METTL15: variants seen among roughly 807,000 people sequenced by gnomAD.
METTL15 encodes 12S rRNA N(4)-cytidine methyltransferase METTL15.
In METTL15, 34 loss-of-function variants were observed where a neutral mutation model predicts 38.3. That is an observed-to-expected ratio of 0.89 (90% CI 0.68 to 1.18). The LOEUF is 1.18. METTL15 is among the 50% of genes most tolerant of loss of function. The pLI, the probability that METTL15 is intolerant of heterozygous loss-of-function variation, is 0.00. For synonymous variants in METTL15, 162 were observed against 170.9 expected (o/e 0.95, Z 0.41); for missense variants, 438 against 498.4 (o/e 0.88, Z 1.15).
chr11:28,118,711 A>G (rs1294455416), intron 3 of METTL15, among the ~76,000 whole-genome samples: 3 of 152,236 alleles, frequency 2.0e-5, no homozygotes, highest in African/African-American at 4.8e-5. Flanking sequence ...TTTGAGTGTT[A>G]TTATAAGGGT....
At chr11:28,416,237 T>C (rs1850771224) in intron 5 of METTL15, among the ~76,000 whole-genome samples, 1 of 152,192 alleles carries the variant, frequency 6.6e-6, no homozygotes, top group African/African-American at 2.4e-5. Flanking sequence ...GTGCAGACTA[T>C]AGCCCACGTG....
At chr11:28,350,788 C>T (rs973673241) in intron 3 of METTL15, among the ~76,000 whole-genome samples, 1 of 152,164 alleles carries the variant, frequency 6.6e-6, no homozygotes, top group Non-Finnish European at 1.5e-5. Context: ...ATCTCTGTCC[C>T]TAAGAGCTTC....
At chr11:28,472,471 TG>T (rs1474844549) in intron 6 of METTL15, among the ~76,000 whole-genome samples, 6 of 152,166 alleles carry the variant, frequency 3.9e-5, no homozygotes, top group Non-Finnish European at 8.8e-5. Flanking sequence ...GGAAGTTATC[TG>T]GGGTACTTCT....
intron 5 of METTL15, among the ~76,000 whole-genome samples, chr11:28,423,995 A>T (rs1164284230): frequency 6.6e-6 from 1 of 152,098 alleles, no homozygotes; most frequent in African/African-American, 2.4e-5. Flanking sequence ...ATGTACTCAT[A>T]AAACTTTTTT....
intron 3 of METTL15, among the ~76,000 whole-genome samples, chr11:28,138,518 G>T (rs545316887): frequency 3.9e-5 from 6 of 152,292 alleles, no homozygotes; most frequent in Admixed American, 6.5e-5. Flanking sequence ...AGTGTACAAG[G>T]TATTTTCAAA....
rs1849846519 is a variant in METTL15, at chr11:28,332,627, A to T, written c.*1786A>T. On this transcript the variant is annotated 3_prime_UTR_variant, in exon 7 of 7. Transcript: ENST00000407364. ...AGATGAGGTCATACTGGAGCAGGGC[A>T]GGCCCTTAATCCAATATGACTGGTG... is the stretch of plus-strand genomic sequence containing the variant. The T allele has an allele frequency of 6.7e-6, 1 of 149,116 alleles. No individual in the cohort carries two copies. Among genetic ancestry groups the T allele is most frequent in the Non-Finnish European group, 1.5e-5 (1 of 67,740 alleles). 9.2% of individuals were successfully genotyped at this position (149,116 alleles called of 1,614,324 possible). A position where few individuals can be genotyped will look rare whatever the true frequency, so the allele number is the denominator to read the frequency against.
chr11:28,493,805 A>G (rs1851515797), intron 6 of METTL15, among the ~76,000 whole-genome samples: 1 of 152,204 alleles, frequency 6.6e-6, no homozygotes, highest in African/African-American at 2.4e-5. Flanking sequence ...TCTTGTTATC[A>G]TTTGATTCTA....
intron 3 of METTL15, among the ~76,000 whole-genome samples, chr11:28,339,020 G>A (rs1849926613): frequency 6.6e-6 from 1 of 152,088 alleles, no homozygotes; most frequent in African/African-American, 2.4e-5. Flanking sequence ...ACTTTTGATA[G>A]TCTTTTGGGA....
chr11:28,375,352 T>C (rs963220666), intron 5 of METTL15, among the ~76,000 whole-genome samples: 36 of 151,982 alleles, frequency 2.4e-4, no homozygotes, highest in African/African-American at 8.4e-4. Flanking sequence ...GAGCCTGTTA[T>C]TGGTCTATTC....
At chr11:28,365,955 CAGG>C (rs1206461904) in intron 5 of METTL15, among the ~76,000 whole-genome samples, 1 of 152,048 alleles carries the variant, frequency 6.6e-6, no homozygotes, top group African/African-American at 2.4e-5. Flanking sequence ...GAGGCTGAGG[CAGG>C]AGAACAGCAT....
chr11:28,377,932 G>C (rs1850336233), intron 5 of METTL15, among the ~76,000 whole-genome samples: 1 of 152,178 alleles, frequency 6.6e-6, no homozygotes, highest in Admixed American at 6.6e-5. Context: ...GTGTCAGTGT[G>C]TCCCTGCTGG....
chr11:28,218,468 T>C (rs1347858602), intron 4 of METTL15, among the ~76,000 whole-genome samples: 1 of 152,212 alleles, frequency 6.6e-6, no homozygotes, highest in African/African-American at 2.4e-5. Context: ...GCTGAGACGA[T>C]GGGGTTTTCT....
intron 4 of METTL15, among the ~76,000 whole-genome samples, chr11:28,240,235 A>C (rs1026367234): frequency 6.6e-6 from 1 of 152,222 alleles, no homozygotes; most frequent in Non-Finnish European, 1.5e-5. Context: ...TCGTTCATTC[A>C]GCTGTTAAGT....
At chr11:28,293,709 G>T (rs1488324336) in intron 5 of METTL15, among the ~76,000 whole-genome samples, 1 of 142,332 alleles carries the variant, frequency 7.0e-6, no homozygotes, top group Non-Finnish European at 1.5e-5. Context: ...TCTTCCATTT[G>T]TTTGTATCCT....
chr11:28,384,328 A>G (rs1416231491), intron 5 of METTL15, among the ~76,000 whole-genome samples: 1 of 146,904 alleles, frequency 6.8e-6, no homozygotes, highest in Non-Finnish European at 1.5e-5. Flanking sequence ...TTTTTTTTTG[A>G]GACAAAGTGT....
intron 5 of METTL15, among the ~76,000 whole-genome samples, chr11:28,419,141 AC>A (rs1850798477): frequency 6.6e-6 from 1 of 152,194 alleles, no homozygotes; most frequent in African/African-American, 2.4e-5. Context: ...CCTTGAGTGA[AC>A]ATAGGCAATA....
chr11:28,394,092 C>T (rs372405024), intron 5 of METTL15, among the ~76,000 whole-genome samples: 1 of 151,918 alleles, frequency 6.6e-6, no homozygotes, highest in Admixed American at 6.6e-5. Flanking sequence ...AGGGTTGGTG[C>T]CTTATTATTT....
At chr11:28,522,720 G>A (rs1377036897) in intron 6 of METTL15, among the ~76,000 whole-genome samples, 1 of 152,146 alleles carries the variant, frequency 6.6e-6, no homozygotes, top group Non-Finnish European at 1.5e-5. Flanking sequence ...GAGACTACAT[G>A]ACCATCTCAC....
chr11:28,276,578 G>T (rs1008821153), intron 4 of METTL15, among the ~76,000 whole-genome samples: 1 of 151,998 alleles, frequency 6.6e-6, no homozygotes, highest in African/African-American at 2.4e-5. Context: ...GCACAAATTA[G>T]AAAAAACAAT....
Sources: allele counts gnomAD v4.1 joint callset (sites outside exome capture counted in the v4.1 genomes callset), GRCh38; gene constraint gnomAD v4.1.1; transcripts MANE v1.5; gene names NCBI Gene and HGNC (gene_info 2026-07-23, HGNC 2026-07-21).